NCOA6: variants seen among roughly 807,000 people sequenced by gnomAD.
NCOA6 encodes the protein NRC RAP250.
Under a neutral mutation model 171.4 loss-of-function variants are expected in NCOA6, and 49 were observed. That is an observed-to-expected ratio of 0.29 (90% CI 0.23 to 0.36). The LOEUF (loss-of-function observed/expected upper bound fraction) is 0.36. Ranked by LOEUF, NCOA6 falls within the 10% of genes least tolerant of loss-of-function variation. The pLI, the probability that NCOA6 is intolerant of heterozygous loss-of-function variation, is 1.00. For synonymous variants in NCOA6, 910 were observed against 927.5 expected (o/e 0.98, Z 0.34); for missense variants, 2,248 against 2,554.5 (o/e 0.88, Z 2.59).
intron 5 of NCOA6, among the ~76,000 whole-genome samples, chr20:34,766,661 A>G (rs1471384590): frequency 1.3e-5 from 2 of 152,240 alleles, no homozygotes; most frequent in Non-Finnish European, 2.9e-5. Flanking sequence ...TAGGGTACTA[A>G]TAACAGTTAA....
intron 10 of NCOA6, among the ~76,000 whole-genome samples, chr20:34,746,077 T>C (rs904363120): frequency 8.5e-5 from 13 of 152,242 alleles, no homozygotes; most frequent in South Asian, 4.1e-4. Flanking sequence ...AAAAAGATCA[T>C]CTTGTTTTAA....
intron 1 of NCOA6, among the ~76,000 whole-genome samples, chr20:34,793,618 G>C (rs1243989497): frequency 6.6e-6 from 1 of 151,462 alleles, no homozygotes; most frequent in African/African-American, 2.4e-5. Flanking sequence ...GCTAGATCCT[G>C]TCTCTAAAAA....
intron 14 of NCOA6, among the ~76,000 whole-genome samples, chr20:34,715,956 C>T (rs1302529715): frequency 6.6e-6 from 1 of 152,164 alleles, no homozygotes; most frequent in African/African-American, 2.4e-5. Context: ...GTGGCTCACG[C>T]CTGTAATCCC....
chr20:34,796,346 T>G (rs1307907908), intron 1 of NCOA6, among the ~76,000 whole-genome samples: 1 of 152,008 alleles, frequency 6.6e-6, no homozygotes. Flanking sequence ...GAACCAGGTA[T>G]AGCGGCTCAT....
At chr20:34,722,265 C>T (rs1055911028) in intron 14 of NCOA6, among the ~76,000 whole-genome samples, 14 of 151,632 alleles carry the variant, frequency 9.2e-5, no homozygotes, top group African/African-American at 3.1e-4. Flanking sequence ...CCTGTAATCC[C>T]AGCTACTTGG....
At chr20:34,759,596 C>T (rs551936654) in intron 5 of NCOA6, among the ~76,000 whole-genome samples, 1 of 152,234 alleles carries the variant, frequency 6.6e-6, no homozygotes, top group East Asian at 1.9e-4. Flanking sequence ...TTACTATATG[C>T]ATTCTTTGTC....
At chr20:34,764,821 G>A (rs2145916082) in intron 5 of NCOA6, among the ~76,000 whole-genome samples, 2 of 151,894 alleles carry the variant, frequency 1.3e-5, no homozygotes, top group Non-Finnish European at 2.9e-5. Context: ...AGTTAAGAAA[G>A]CTCTCATGAG....
intron 1 of NCOA6, among the ~76,000 whole-genome samples, chr20:34,815,892 T>C (rs1285597095): frequency 1.3e-5 from 2 of 152,228 alleles, no homozygotes; most frequent in African/African-American, 2.4e-5. Flanking sequence ...CATATTAGAA[T>C]GTCTCTAAAA....
intron 1 of NCOA6, among the ~76,000 whole-genome samples, chr20:34,804,206 A>C (rs188240937): frequency 1.8e-3 from 278 of 152,008 alleles, no homozygotes; most frequent in Admixed American, 3.2e-3. Flanking sequence ...GCGTGGTGAC[A>C]GGTGCCTGTA....
intron 1 of NCOA6, among the ~76,000 whole-genome samples, chr20:34,817,259 G>A (rs1201037459): frequency 1.3e-5 from 2 of 151,608 alleles, no homozygotes; most frequent in Non-Finnish European, 1.5e-5. Flanking sequence ...TGTGTGTGAC[G>A]GAGGGGGAGG....
intron 5 of NCOA6, among the ~76,000 whole-genome samples, chr20:34,761,661 GTTT>G (rs553356704): frequency 6.6e-6 from 1 of 151,414 alleles, no homozygotes; most frequent in Non-Finnish European, 1.5e-5. Context: ...GTTTTGTTTT[GTTT>G]TTTTTCTCCG....
At chr20:34,732,130 G>A (rs2075803557) in intron 13 of NCOA6, among the ~76,000 whole-genome samples, 1 of 152,208 alleles carries the variant, frequency 6.6e-6, no homozygotes. Flanking sequence ...GCAGCACAGT[G>A]TAACAGAAAA....
At chr20:34,754,580 G>A in intron 8 of NCOA6, 142 bp downstream of exon 8, 4 of 987,970 alleles carry the variant, frequency 4.0e-6, no homozygotes, top group Non-Finnish European at 5.8e-6. Flanking sequence ...AAAAGTTACT[G>A]CCCTGAAAGA....
intron 13 of NCOA6, among the ~76,000 whole-genome samples, chr20:34,729,195 C>T (rs897130423): frequency 6.6e-6 from 1 of 152,230 alleles, no homozygotes; most frequent in South Asian, 2.1e-4. Context: ...AAATGATCCA[C>T]CTGCCTTGGC....
rs2076177924 is a variant in NCOA6, at chr20:34,742,578, G to A, written c.3678C>T (p.Asn1226=). Residue 1226 remains asparagine (N), a synonymous_variant, in exon 11 of 15, where the codon AAC becomes AAT. Transcript: ENST00000359003. ...AAGGTTCTGTGCTGGGAGGGCGGTTGTTGGGTGTCTGAGGATAATAGGGTC... is the reference window on the plus strand; with the variant it reads ...AAGGTTCTGTGCTGGGAGGGCGGTTATTGGGTGTCTGAGGATAATAGGGTC... ...SPRPYYPQTP[N]NRPPSTEPSE... is the part of the protein sequence containing the mutation. The A allele has an allele frequency of 6.2e-7, 1 of 1,614,086 alleles. No individual in the cohort carries two copies. Among genetic ancestry groups the A allele is most frequent in the African/African-American group, 1.3e-5 (1 of 74,926 alleles).
intron 12 of NCOA6, among the ~76,000 whole-genome samples, chr20:34,735,677 A>C (rs1376576560): frequency 6.6e-6 from 1 of 151,742 alleles, no homozygotes; most frequent in Non-Finnish European, 1.5e-5. Flanking sequence ...AGAAAAAAAG[A>C]CTCTAGGTGG....
Position 34,741,552 on chromosome 20 carries a change from A to G in NCOA6, c.4704T>C (p.Ser1568=), listed in dbSNP as rs145699869. 1.3e-5 allele frequency: 21 copies of G among 1,614,158 alleles called. No homozygotes were observed. In the African/African-American group the frequency reaches 2.5e-4, roughly 19 times the overall value. Residue 1568 remains serine (S), a synonymous_variant, in exon 11 of 15, where the codon AGT becomes AGC. Coordinates refer to ENST00000359003, the MANE Select transcript of NCOA6 (RefSeq NM_014071.5). Reference sequence around the variant, plus strand: ...GAGGGATGCTTGGTGCAACGTTAGAACTGACCTCACTCAATTCGGGATGCA... The same window carrying G: ...GAGGGATGCTTGGTGCAACGTTAGAGCTGACCTCACTCAATTCGGGATGCA... ...SLVHPELSEV[S]SNVAPSIPPV... is the part of the protein sequence containing the mutation.
At chr20:34,752,922 A>T (rs948147875) in intron 8 of NCOA6, among the ~76,000 whole-genome samples, 4 of 151,808 alleles carry the variant, frequency 2.6e-5, no homozygotes, top group African/African-American at 9.7e-5. Context: ...CTCAAAAAAA[A>T]AAAAAAACAC....
chr20:34,758,182 G>C lies in NCOA6; in HGVS notation c.644-78C>G. ...TAGAGAAGTGGCCTTTGTAATTCTGGATATACAGAGCAAAATCTGCTGGTA... is the reference window on the plus strand; with the variant it reads ...TAGAGAAGTGGCCTTTGTAATTCTGCATATACAGAGCAAAATCTGCTGGTA... On this transcript the variant is annotated intron_variant, in intron 6 of 14. Coordinates refer to ENST00000359003, the MANE Select transcript of NCOA6 (RefSeq NM_014071.5). The C allele has an allele frequency of 2.0e-6, 3 of 1,510,920 alleles. No individual in the cohort carries two copies. The South Asian group carries it at 4.0e-5, about 20-fold the overall frequency. The allele number at this position is 1,510,920 out of a possible 1,614,324, so 93.6% of individuals were successfully genotyped here.
Sources: allele counts gnomAD v4.1 joint callset (sites outside exome capture counted in the v4.1 genomes callset), GRCh38; gene constraint gnomAD v4.1.1; transcripts MANE v1.5; gene names NCBI Gene and HGNC (gene_info 2026-07-23, HGNC 2026-07-21).